CNTNAP2: variants seen among roughly 807,000 people sequenced by gnomAD.
CNTNAP2 encodes contactin associated protein 2.
Under a neutral mutation model 155.2 loss-of-function variants are expected in CNTNAP2, and 98 were observed. The observed-to-expected ratio is 0.63, with a 90% confidence interval of 0.54 to 0.75. The LOEUF (loss-of-function observed/expected upper bound fraction) is 0.75, where lower values mean the gene tolerates loss of function less well. Among genes scored for constraint, CNTNAP2 ranks in the 30% least tolerant of loss-of-function variants. The pLI is 0.00. For missense variants in CNTNAP2, 1,727 were observed against 1,688.1 expected (o/e 1.02, Z -0.40); for synonymous variants, 651 against 631.2 (o/e 1.03, Z -0.47).
intron 1 of CNTNAP2, among the ~76,000 whole-genome samples, chr7:146,519,597 C>A (rs1187627867): frequency 6.6e-6 from 1 of 151,698 alleles, no homozygotes; most frequent in Non-Finnish European, 1.5e-5. Context: ...TTTTGAGAAC[C>A]CATTTTGTAG....
chr7:147,563,050 C>G lies in CNTNAP2; in HGVS notation c.1897+793C>G, dbSNP rs139189241. 2.6e-5 allele frequency among the ~76,000 whole-genome samples: 4 copies of G among 152,296 alleles called. No individual in the cohort carries two copies. The East Asian group carries it at 7.7e-4, about 29-fold the overall frequency. ...GTTACTGAGTGTGACTGTTTACCATCTGTCAAGTATCATGACAAATCCTTT... is the reference window on the plus strand; with the variant it reads ...GTTACTGAGTGTGACTGTTTACCATGTGTCAAGTATCATGACAAATCCTTT... On this transcript the variant is annotated intron_variant, in intron 12 of 23. Transcript: ENST00000361727.
At chr7:146,625,433 A>G (rs1300990253) in intron 1 of CNTNAP2, among the ~76,000 whole-genome samples, 8 of 152,058 alleles carry the variant, frequency 5.3e-5, no homozygotes. Flanking sequence ...CACAAATTAT[A>G]CTTGAAAAAT....
At chr7:147,870,235 C>T (rs1429634782) in intron 13 of CNTNAP2, among the ~76,000 whole-genome samples, 1 of 152,054 alleles carries the variant, frequency 6.6e-6, no homozygotes, top group African/African-American at 2.4e-5. Context: ...CAGGCCATAA[C>T]GCTGGTCTGA....
chr7:146,347,431 T>C (rs1209559319), intron 1 of CNTNAP2, among the ~76,000 whole-genome samples: 2 of 152,212 alleles, frequency 1.3e-5, no homozygotes, highest in South Asian at 2.1e-4. Flanking sequence ...AGAAGTCATC[T>C]TGTCAAGCTT....
intron 14 of CNTNAP2, among the ~76,000 whole-genome samples, chr7:147,958,249 A>T (rs1585048572): frequency 6.6e-6 from 1 of 152,226 alleles, no homozygotes; most frequent in Admixed American, 6.5e-5. Context: ...CTCATTGATT[A>T]TAATGATCAC....
intron 8 of CNTNAP2, among the ~76,000 whole-genome samples, chr7:147,255,650 A>C (rs1362087278): frequency 2.0e-5 from 3 of 152,242 alleles, no homozygotes; most frequent in Admixed American, 2.0e-4. Context: ...AATGGAGATA[A>C]AAGTAATACA....
At chr7:147,949,458 A>ATATATATATATATATATATATATATAT (rs1433579404) in intron 14 of CNTNAP2, among the ~76,000 whole-genome samples, 5 of 137,388 alleles carry the variant, frequency 3.6e-5, no homozygotes, top group Non-Finnish European at 6.2e-5. Context: ...ATATATATAT[A>ATATATATATATATATATATATATATAT]TTTTTTTTTT....
chr7:146,171,593 T>C (rs1011545706), intron 1 of CNTNAP2, among the ~76,000 whole-genome samples: 5 of 152,196 alleles, frequency 3.3e-5, no homozygotes, highest in African/African-American at 1.2e-4. Context: ...GAATTCTAAC[T>C]CTTTGGTATC....
chr7:147,086,038 G>A (rs1800269984), intron 4 of CNTNAP2, among the ~76,000 whole-genome samples: 1 of 152,188 alleles, frequency 6.6e-6, no homozygotes, highest in African/African-American at 2.4e-5. Flanking sequence ...AGTGGGGCAT[G>A]TCACCAAAAG....
chr7:146,167,994 T>C (rs1258105072), intron 1 of CNTNAP2, among the ~76,000 whole-genome samples: 1 of 152,124 alleles, frequency 6.6e-6, no homozygotes, highest in Non-Finnish European at 1.5e-5. Flanking sequence ...GACAGGAGAC[T>C]GATGTTTGAG....
At chr7:147,104,944 G>T (rs776331903) in intron 4 of CNTNAP2, among the ~76,000 whole-genome samples, 7 of 134,042 alleles carry the variant, frequency 5.2e-5, no homozygotes, top group Middle Eastern at 9.9e-3. Context: ...TATATAGTTG[G>T]ATAGATATTT....
intron 18 of CNTNAP2, among the ~76,000 whole-genome samples, chr7:148,174,027 A>G (rs41481753): frequency 0.016 from 2,483 of 152,342 alleles, 74 homozygotes; most frequent in African/African-American, 0.057. Context: ...GTTAGGCCAC[A>G]TTGCAGATAA....
intron 4 of CNTNAP2, among the ~76,000 whole-genome samples, chr7:147,063,384 C>T (rs1470413746): frequency 1.3e-5 from 2 of 152,038 alleles, no homozygotes; most frequent in African/African-American, 4.8e-5. Flanking sequence ...GCCAATTGCT[C>T]AGCAATTTAC....
intron 11 of CNTNAP2, among the ~76,000 whole-genome samples, chr7:147,506,647 A>C (rs541714646): frequency 2.5e-4 from 38 of 152,298 alleles, no homozygotes; most frequent in African/African-American, 8.7e-4. Flanking sequence ...ATTTCTTTCA[A>C]AATTGTACTA....
intron 9 of CNTNAP2, among the ~76,000 whole-genome samples, chr7:147,352,238 C>T (rs1001361684): frequency 6.6e-6 from 1 of 151,874 alleles, no homozygotes; most frequent in East Asian, 1.9e-4. Context: ...TCTGAAATTA[C>T]TTTTCTGCAA....
chr7:146,376,925 A>G (rs1007556153), intron 1 of CNTNAP2, among the ~76,000 whole-genome samples: 2 of 152,156 alleles, frequency 1.3e-5, no homozygotes, highest in Non-Finnish European at 2.9e-5. Flanking sequence ...CATTCAAAGC[A>G]TCATCTTAGA....
intron 2 of CNTNAP2, among the ~76,000 whole-genome samples, chr7:146,807,640 C>A (rs542135126): frequency 6.6e-6 from 1 of 152,100 alleles, no homozygotes; most frequent in African/African-American, 2.4e-5. Context: ...GCTTTGGAAC[C>A]AGCTGAGCCT....
At chr7:148,239,969 A>C (rs1796115601) in intron 20 of CNTNAP2, among the ~76,000 whole-genome samples, 1 of 152,204 alleles carries the variant, frequency 6.6e-6, no homozygotes, top group African/African-American at 2.4e-5. Flanking sequence ...TCTAATTGAC[A>C]TTCTCTCTTA....
intron 13 of CNTNAP2, among the ~76,000 whole-genome samples, chr7:147,856,584 T>C (rs79458751): frequency 0.011 from 1,655 of 151,786 alleles, 90 homozygotes; most frequent in Admixed American, 0.089. Flanking sequence ...CCAATACTTA[T>C]CTGTTGACAC....
Sources: allele counts gnomAD v4.1 joint callset (sites outside exome capture counted in the v4.1 genomes callset), GRCh38; gene constraint gnomAD v4.1.1; transcripts MANE v1.5; gene names NCBI Gene and HGNC (gene_info 2026-07-23, HGNC 2026-07-21).